Variants in PPP1R21 observed in about 807,000 individuals in gnomAD.
PPP1R21 encodes KLRAQ motif containing 1.
Under a neutral mutation model 112.8 loss-of-function variants are expected in PPP1R21, and 85 were observed. The ratio of observed to expected loss-of-function variants is 0.75; its 90% CI spans 0.63 to 0.90. The LOEUF is 0.90. Ranked by LOEUF, PPP1R21 falls within the 40% of genes least tolerant of loss-of-function variation. PPP1R21 has a pLI of 0.00. For synonymous variants in PPP1R21, 381 were observed against 322.3 expected (o/e 1.18, Z -1.95); for missense variants, 1,199 against 901.5 (o/e 1.33, Z -4.23).
rs1666974853 is a variant in PPP1R21 at position 48,440,808 on chromosome 2, G to A, written c.-146G>A. The A allele has an allele frequency of 1.6e-6, 1 of 641,202 alleles. No homozygotes were observed. Among genetic ancestry groups the A allele is most frequent in the Non-Finnish European group, 2.8e-6 (1 of 360,708 alleles). The allele number at this position is 641,202 out of a possible 1,614,324, so 39.7% of individuals were successfully genotyped here. On this transcript the variant is annotated 5_prime_UTR_variant, in exon 1 of 22. Transcript: ENST00000294952. ...CCCCGGGAACCCGGAAGTGGAGGAG[G>A]AGGCGCGGCGGCGGCGGCGGCGGCG... is the stretch of plus-strand genomic sequence containing the variant.
chr2:48,463,910 A>C (rs1348668526), intron 7 of PPP1R21, among the ~76,000 whole-genome samples: 1 of 151,936 alleles, frequency 6.6e-6, no homozygotes, highest in Admixed American at 6.6e-5. Flanking sequence ...TCCATTGGGT[A>C]GTGGAGAGGA....
intron 17 of PPP1R21, among the ~76,000 whole-genome samples, chr2:48,499,656 A>G (rs1166784665): frequency 6.6e-6 from 1 of 152,250 alleles, no homozygotes; most frequent in Non-Finnish European, 1.5e-5. Flanking sequence ...TAGAGAGTGT[A>G]AAGCTTTATA....
intron 14 of PPP1R21, among the ~76,000 whole-genome samples, chr2:48,489,460 G>A (rs932472963): frequency 1.3e-5 from 2 of 151,698 alleles, no homozygotes; most frequent in South Asian, 2.1e-4. Context: ...CTCCTACCTC[G>A]GTCTCCCAAG....
chr2:48,472,411 A>T (rs1422311100), intron 11 of PPP1R21, among the ~76,000 whole-genome samples: 2 of 151,940 alleles, frequency 1.3e-5, no homozygotes, highest in Non-Finnish European at 2.9e-5. Flanking sequence ...GGATCACCTG[A>T]GGTCAGGAGT....
intron 7 of PPP1R21, among the ~76,000 whole-genome samples, chr2:48,462,368 A>G (rs544175760): frequency 6.6e-6 from 1 of 152,222 alleles, no homozygotes; most frequent in Non-Finnish European, 1.5e-5. Context: ...AGAAATGTCA[A>G]TAATATAAAC....
intron 21 of PPP1R21, among the ~76,000 whole-genome samples, chr2:48,513,500 G>A (rs1670731691): frequency 6.6e-6 from 1 of 152,000 alleles, no homozygotes; most frequent in South Asian, 2.1e-4. Context: ...GTGAATCACA[G>A]CACACAGCAT....
intron 13 of PPP1R21, among the ~76,000 whole-genome samples, chr2:48,484,198 T>A (rs1255998187): frequency 1.3e-5 from 2 of 152,180 alleles, no homozygotes; most frequent in African/African-American, 4.8e-5. Flanking sequence ...AGACCATGCT[T>A]GTGTCTGTAA....
At chr2:48,510,181 AT>A (rs1272252450) in intron 20 of PPP1R21, 68 bp downstream of exon 20, 12 of 1,194,160 alleles carry the variant, frequency 1.0e-5, no homozygotes, top group Non-Finnish European at 1.2e-5. Flanking sequence ...GCAAAGCAGC[AT>A]TTCTTTTCCA....
rs571480687 is a variant in PPP1R21 at position 48,451,284 on chromosome 2, A to G, written c.126+208A>G. Among the ~76,000 whole-genome samples, 8 of 152,338 alleles carry G rather than the reference A, an allele frequency of 5.3e-5. No individual in the cohort carries two copies. The East Asian group carries it at 1.3e-3, about 26-fold the overall frequency. On this transcript the variant is annotated intron_variant, in intron 2 of 21. Transcript: ENST00000294952. ...TTGATTTCCTTAGCTAAAAATTATA[A>G]AAAAAGGTATTATGTGACTTTGTCT...
chr2:48,486,597 A>C (rs1669308774), intron 13 of PPP1R21, 34 bp from the exon 14 acceptor site: 1 of 1,514,794 alleles, frequency 6.6e-7, no homozygotes, highest in South Asian at 1.1e-5. Flanking sequence ...TTATATATAG[A>C]TAATAATGAA....
intron 3 of PPP1R21, among the ~76,000 whole-genome samples, chr2:48,457,001 G>A (rs534977952): frequency 6.6e-6 from 1 of 151,066 alleles, no homozygotes; most frequent in Non-Finnish European, 1.5e-5. Flanking sequence ...GCAGTGAGCC[G>A]AGATCACACC....
chr2:48,513,079 C>A (rs1216393602), intron 21 of PPP1R21, among the ~76,000 whole-genome samples: 1 of 152,144 alleles, frequency 6.6e-6, no homozygotes, highest in East Asian at 1.9e-4. Context: ...ACTTTTCAAT[C>A]TCTGGAACTT....
chr2:48,493,349 T>C (rs1014208943), intron 15 of PPP1R21, among the ~76,000 whole-genome samples: 2 of 152,234 alleles, frequency 1.3e-5, no homozygotes, highest in African/African-American at 4.8e-5. Context: ...TTGAAAGAGC[T>C]GTCTCTGTAT....
chr2:48,490,806 G>A (rs1014994918), intron 14 of PPP1R21, among the ~76,000 whole-genome samples: 1 of 152,146 alleles, frequency 6.6e-6, no homozygotes, highest in African/African-American at 2.4e-5. Context: ...TCAGAAATTT[G>A]TTCTGACTAT....
At chr2:48,512,454 A>T (rs962412756) in intron 21 of PPP1R21, among the ~76,000 whole-genome samples, 1 of 147,908 alleles carries the variant, frequency 6.8e-6, no homozygotes, top group Non-Finnish European at 1.5e-5. Flanking sequence ...AGTCTTTGAG[A>T]TCTGCTGCTG....
At chr2:48,470,210 T>C (rs1272610769) in intron 9 of PPP1R21, among the ~76,000 whole-genome samples, 2 of 152,272 alleles carry the variant, frequency 1.3e-5, no homozygotes, top group East Asian at 3.9e-4. Context: ...ATTAAGGTTA[T>C]CAGTGACAGT....
intron 15 of PPP1R21, among the ~76,000 whole-genome samples, chr2:48,492,393 C>CT (rs964427295): frequency 2.5e-4 from 38 of 151,568 alleles, no homozygotes; most frequent in Middle Eastern, 3.4e-3. Context: ...TTGCAATTTG[C>CT]TTTTTTTTGT....
intron 1 of PPP1R21, among the ~76,000 whole-genome samples, chr2:48,443,524 A>T (rs994206504): frequency 6.6e-6 from 1 of 152,198 alleles, no homozygotes; most frequent in African/African-American, 2.4e-5. Context: ...AAATTGGGAA[A>T]CACCTGTCGG....
At chr2:48,483,622 C>T (rs1316739377) in intron 13 of PPP1R21, among the ~76,000 whole-genome samples, 1 of 152,156 alleles carries the variant, frequency 6.6e-6, no homozygotes, top group African/African-American at 2.4e-5. Flanking sequence ...AAGTAGTGCA[C>T]ATAGTATTTT....
Sources: allele counts gnomAD v4.1 joint callset (sites outside exome capture counted in the v4.1 genomes callset), GRCh38; gene constraint gnomAD v4.1.1; transcripts MANE v1.5; gene names NCBI Gene and HGNC (gene_info 2026-07-23, HGNC 2026-07-21).